The following FARP1 variants were observed in gnomAD, a reference collection of about 807,000 sequenced individuals.
FARP1 encodes the protein FERM, ARHGEF and pleckstrin domain-containing protein 1.
In FARP1, 52 loss-of-function variants were observed where a neutral mutation model predicts 128.8. The observed-to-expected ratio is 0.40, with a 90% CI of 0.32 to 0.51. The LOEUF (loss-of-function observed/expected upper bound fraction) is 0.51, where lower values mean the gene tolerates loss of function less well. Ranked by LOEUF, FARP1 falls within the 20% of genes least tolerant of loss-of-function variation. FARP1 has a pLI of 0.45. For missense variants in FARP1, 1,333 were observed against 1,367.9 expected (o/e 0.97, Z 0.40); for synonymous variants, 580 against 551.8 (o/e 1.05, Z -0.72).
intron 1 of FARP1, among the ~76,000 whole-genome samples, chr13:98,190,152 G>T (rs768786973): frequency 3.9e-5 from 6 of 152,056 alleles, no homozygotes; most frequent in Non-Finnish European, 7.4e-5. Context: ...TTTAATGGTG[G>T]TGGGATTAAA....
At chr13:98,437,585 G>A (rs1892325633) in intron 19 of FARP1, among the ~76,000 whole-genome samples, 1 of 152,226 alleles carries the variant, frequency 6.6e-6, no homozygotes, top group African/African-American at 2.4e-5. Context: ...CGTGCAGGGT[G>A]ATAACGCCGC....
At chr13:98,401,470 A>G (rs1373933872) in intron 13 of FARP1, 2 of 132,774 alleles carry the variant, frequency 1.5e-5, no homozygotes, top group Non-Finnish European at 3.2e-5. Context: ...GGAGTTGTAG[A>G]CATCACAGAT....
intron 2 of FARP1, among the ~76,000 whole-genome samples, chr13:98,219,360 C>T (rs1311209370): frequency 1.4e-5 from 2 of 144,958 alleles, no homozygotes; most frequent in African/African-American, 2.5e-5. Flanking sequence ...ATTAAAAAGT[C>T]TTTTTTTTTT....
At chr13:98,243,331 A>G (rs1353800691) in intron 2 of FARP1, among the ~76,000 whole-genome samples, 1 of 152,162 alleles carries the variant, frequency 6.6e-6, no homozygotes, top group East Asian at 1.9e-4. Flanking sequence ...GTCTCAATGC[A>G]TGTAGCTCTG....
intron 13 of FARP1, chr13:98,402,954 T>C (rs1198451636): frequency 1.3e-5 from 2 of 152,270 alleles, no homozygotes; most frequent in Non-Finnish European, 2.9e-5. Flanking sequence ...CATTTTCCGT[T>C]GTTCCATTGT....
chr13:98,206,323 T>C (rs1880264517), intron 1 of FARP1, among the ~76,000 whole-genome samples: 1 of 152,188 alleles, frequency 6.6e-6, no homozygotes. Flanking sequence ...AGCGACAGAC[T>C]GCTTCCTACA....
At position 98,451,430 on chromosome 13, in the gene FARP1, T is replaced by C. The variant is rs983164569; in HGVS notation, c.*3113T>C. The C allele has an allele frequency of 1.3e-5, 2 of 152,180 alleles. No individual in the cohort carries two copies. Among genetic ancestry groups the C allele is most frequent in the African/African-American group, 4.8e-5 (2 of 41,428 alleles). 9.4% of individuals were successfully genotyped at this position (152,180 alleles called of 1,614,324 possible). On this transcript the variant is annotated 3_prime_UTR_variant, in exon 27 of 27. Coordinates refer to ENST00000319562, the MANE Select transcript of FARP1 (RefSeq NM_005766.4). ...ATAAGAATTAGCAACTCAGTTCTATTTCCCCAACCAAAATATATCCCTTAT... is the reference window on the plus strand; with the variant it reads ...ATAAGAATTAGCAACTCAGTTCTATCTCCCCAACCAAAATATATCCCTTAT...
intron 1 of FARP1, among the ~76,000 whole-genome samples, chr13:98,210,423 C>T (rs1165377356): frequency 1.3e-5 from 2 of 152,152 alleles, no homozygotes; most frequent in Non-Finnish European, 2.9e-5. Flanking sequence ...CAGGACAACC[C>T]ACAGGATGTC....
intron 1 of FARP1, among the ~76,000 whole-genome samples, chr13:98,204,714 A>G (rs897202437): frequency 2.4e-4 from 36 of 152,200 alleles, no homozygotes; most frequent in African/African-American, 8.0e-4. Context: ...TAGTCCCAGC[A>G]CTTTGGAGGC....
rs73563578 is a variant in FARP1 at position 98,317,602 on chromosome 13, A to G, written c.172-26160A>G. Among the ~76,000 whole-genome samples, 526 of 151,950 alleles carry G rather than the reference A, an allele frequency of 3.5e-3. 4 individuals are homozygous for G. The highest frequency in any genetic ancestry group is 0.012 in the African/African-American group (490 of 41,572). ...CACTTGTTATCCAAAGAAGGTAAAG[A>G]TGGGGTTTGAGTTTTTAATTGATTC... On this transcript the variant is annotated intron_variant, in intron 2 of 26. Transcript: ENST00000319562.
At chr13:98,332,301 T>C (rs557059963) in intron 2 of FARP1, 1 of 152,222 alleles carries the variant, frequency 6.6e-6, no homozygotes, top group South Asian at 2.1e-4. Flanking sequence ...TGGATATGAT[T>C]GTACTTTTGT....
intron 2 of FARP1, among the ~76,000 whole-genome samples, chr13:98,341,653 A>G (rs767379700): frequency 2.0e-5 from 3 of 152,140 alleles, no homozygotes; most frequent in Non-Finnish European, 2.9e-5. Flanking sequence ...AACAAACAAC[A>G]ACAACAACAA....
intron 24 of FARP1, among the ~76,000 whole-genome samples, chr13:98,441,377 T>C (rs559359665): frequency 6.6e-6 from 1 of 152,370 alleles, no homozygotes; most frequent in African/African-American, 2.4e-5. Context: ...TTACATGACA[T>C]GGGAGCCTTC....
At chr13:98,277,154 T>C (rs112693787) in intron 2 of FARP1, among the ~76,000 whole-genome samples, 1 of 23,452 alleles carries the variant, frequency 4.3e-5, no homozygotes, top group South Asian at 2.1e-3. Context: ...ACACACCCCA[T>C]ATGTATATAT....
At chr13:98,343,921 G>C (rs1406350462) in intron 3 of FARP1, 55 bp downstream of exon 3, 4 of 1,129,666 alleles carry the variant, frequency 3.5e-6, no homozygotes, top group Non-Finnish European at 5.4e-6. Flanking sequence ...CTTGGTGGGG[G>C]GCTGGGCAGG....
At position 98,388,507 on chromosome 13, in the gene FARP1, C is replaced by T. The variant is rs139325586; in HGVS notation, c.855+29C>T. ...AGTGGTCCTGGCGGGAAAGGGGACC[C>T]GTTGAGCCATGGGATGGCGTGTGTC... On this transcript the variant is annotated intron_variant, in intron 9 of 26. Transcript: ENST00000319562. The T allele has an allele frequency of 7.8e-5, 121 of 1,547,958 alleles. No individual in the cohort carries two copies. The African/African-American group carries it at 9.9e-4, about 13-fold the overall frequency.
chr13:98,346,436 C>T (rs1028590574), intron 3 of FARP1, among the ~76,000 whole-genome samples: 6 of 151,518 alleles, frequency 4.0e-5, no homozygotes, highest in Non-Finnish European at 5.9e-5. Context: ...GTGATCCGCC[C>T]GCCTCAATTT....
intron 5 of FARP1, 147 bp from the exon 6 acceptor site, chr13:98,377,674 A>T: frequency 3.2e-6 from 2 of 619,394 alleles, no homozygotes; most frequent in South Asian, 3.8e-5. Flanking sequence ...TTTACACTGC[A>T]GTGAATGGCA....
chr13:98,195,188 A>G (rs747873316), intron 1 of FARP1, among the ~76,000 whole-genome samples: 36 of 152,168 alleles, frequency 2.4e-4, no homozygotes, highest in Non-Finnish European at 4.7e-4. Context: ...TGGATGTTGC[A>G]TTTCAGACCA....
Sources: gnomAD v4.1 joint callset for allele counts (sites outside exome capture counted in the v4.1 genomes callset) on GRCh38, gnomAD v4.1.1 for gene constraint, MANE v1.5 for transcripts, NCBI Gene and HGNC (gene_info 2026-07-23, HGNC 2026-07-21) for gene names.